Variants in ST3GAL1 observed in about 807,000 individuals in gnomAD.
ST3GAL1 encodes CMP-N-acetylneuraminate-beta-galactosamide-alpha-2,3-sialyltransferase 1.
Under a neutral mutation model 34.1 loss-of-function variants are expected in ST3GAL1, and 16 were observed. That is an observed-to-expected ratio of 0.47 (90% confidence interval 0.32 to 0.71). ST3GAL1 has a LOEUF of 0.71. Among genes scored for constraint, ST3GAL1 ranks in the 30% least tolerant of loss-of-function variants. The probability of loss-of-function intolerance (pLI) is 0.04; values close to 1 mark genes in which losing one functional copy is unlikely to be tolerated. For missense variants in ST3GAL1, 353 were observed against 447.4 expected, an observed-to-expected ratio of 0.79 and a Z score of 1.90; for synonymous variants, 191 against 184.7, an observed-to-expected ratio of 1.03 and a Z score of -0.28.
At chr8:133,497,425 C>G (rs542943483) in intron 3 of ST3GAL1, among the ~76,000 whole-genome samples, 1 of 148,198 alleles carries the variant, frequency 6.7e-6, no homozygotes, top group African/African-American at 2.5e-5. Context: ...TAGAGATACA[C>G]CTTTCTTCTC....
chr8:133,488,260 G>T (rs919665673), intron 3 of ST3GAL1: 2 of 152,198 alleles, frequency 1.3e-5, no homozygotes, highest in African/African-American at 4.8e-5. Flanking sequence ...AATGTAATGA[G>T]CCAGCTTGGC....
intron 1 of ST3GAL1, among the ~76,000 whole-genome samples, chr8:133,547,081 A>G (rs1385236959): frequency 6.6e-6 from 1 of 151,902 alleles, no homozygotes. Context: ...TGCTGTCGAA[A>G]TGGCCCCAAT....
intron 1 of ST3GAL1, among the ~76,000 whole-genome samples, chr8:133,549,126 C>T (rs376628680): frequency 7.9e-5 from 12 of 152,334 alleles, no homozygotes; most frequent in Admixed American, 3.9e-4. Context: ...AGTAGCGGGG[C>T]GTGGTGGCTC....
intron 8 of ST3GAL1, 73 bp downstream of exon 8, chr8:133,463,341 T>C: frequency 3.2e-6 from 5 of 1,568,258 alleles, no homozygotes; most frequent in Non-Finnish European, 4.4e-6. Flanking sequence ...TGCAACTCAA[T>C]GCCGTACCTT....
intron 1 of ST3GAL1, among the ~76,000 whole-genome samples, chr8:133,555,648 A>C (rs1818992081): frequency 6.6e-6 from 1 of 152,206 alleles, no homozygotes; most frequent in African/African-American, 2.4e-5. Flanking sequence ...GGATCAAGCC[A>C]TTTAGGACCC....
chr8:133,503,237 C>A (rs557265598), intron 2 of ST3GAL1, among the ~76,000 whole-genome samples: 3 of 139,610 alleles, frequency 2.1e-5, no homozygotes, highest in East Asian at 4.4e-4. Flanking sequence ...AGTATTCTAA[C>A]GCCCCCCAAC....
At position 133,467,784 on chromosome 8, in the gene ST3GAL1, C is replaced by A. The variant is rs2130927907; in HGVS notation, c.307-1694G>T. On this transcript the variant is annotated intron_variant, in intron 5 of 9. Coordinates refer to ENST00000522652, the MANE Select transcript of ST3GAL1 (RefSeq NM_173344.3). The surrounding 1 kb of genome is among the most constrained non-coding windows in gnomAD (Gnocchi z 4.2). ...TAGGGAGATCCCGGGGCACCCAGTC[C>A]CCACTGCAATGGAAGGAATCGGATG... Among the ~76,000 whole-genome samples the A allele has an allele frequency of 6.6e-6, 1 of 152,192 alleles. No homozygotes were observed. Among genetic ancestry groups the A allele is most frequent in the African/African-American group, 2.4e-5 (1 of 41,520 alleles).
intron 1 of ST3GAL1, among the ~76,000 whole-genome samples, chr8:133,565,642 T>C (rs949534290): frequency 6.6e-6 from 1 of 152,200 alleles, no homozygotes; most frequent in Non-Finnish European, 1.5e-5. Context: ...GGGTGTACAT[T>C]AAACTATAAA....
At chr8:133,533,259 C>T (rs941608153) in intron 2 of ST3GAL1, among the ~76,000 whole-genome samples, 3 of 152,160 alleles carry the variant, frequency 2.0e-5, no homozygotes, top group South Asian at 2.1e-4. Flanking sequence ...GAGAGAATGA[C>T]GTGCAGGTGT....
At chr8:133,465,159 T>A (rs933169629) in intron 6 of ST3GAL1, among the ~76,000 whole-genome samples, 1 of 152,158 alleles carries the variant, frequency 6.6e-6, no homozygotes, top group Non-Finnish European at 1.5e-5. Flanking sequence ...TTTCATGACC[T>A]CAAGGGAGTC....
chr8:133,496,859 C>T (rs1816963263), intron 3 of ST3GAL1, among the ~76,000 whole-genome samples: 1 of 152,230 alleles, frequency 6.6e-6, no homozygotes, highest in Non-Finnish European at 1.5e-5. Context: ...CACCCCTCTT[C>T]CGAGTTCTTG....
intron 3 of ST3GAL1, among the ~76,000 whole-genome samples, chr8:133,485,219 T>C (rs1290900797): frequency 6.6e-6 from 1 of 152,174 alleles, no homozygotes; most frequent in Non-Finnish European, 1.5e-5. Context: ...TCCCTGTCCA[T>C]AGCGCTTTGG....
At chr8:133,569,252 G>A (rs558966688) in intron 1 of ST3GAL1, among the ~76,000 whole-genome samples, 1 of 152,292 alleles carries the variant, frequency 6.6e-6, no homozygotes, top group African/African-American at 2.4e-5. Context: ...GCAAACTTCA[G>A]GGTTTGTGGG....
At chr8:133,488,393 G>T (rs972807309) in intron 3 of ST3GAL1, 1 of 152,204 alleles carries the variant, frequency 6.6e-6, no homozygotes, top group Non-Finnish European at 1.5e-5. Context: ...ATGCAGGTGG[G>T]CCTCATCCAA....
intron 5 of ST3GAL1, among the ~76,000 whole-genome samples, chr8:133,474,680 T>C (rs1398333192): frequency 2.6e-5 from 4 of 152,106 alleles, no homozygotes; most frequent in Non-Finnish European, 4.4e-5. Context: ...CCTCGGGCTC[T>C]TGCACCCGCT....
At position 133,556,156 on chromosome 8, in the gene ST3GAL1, A is replaced by G. The variant is rs1374400775; in HGVS notation, c.-581-10230T>C. ...GGCAATCCACCCATCTCGGCCTCCC[A>G]AAGTGCTAGGATTGCAGGCATGAGC... On this transcript the variant is annotated intron_variant, in intron 1 of 9. Coordinates refer to ENST00000522652, the MANE Select transcript of ST3GAL1 (RefSeq NM_173344.3). This position sits in a 1 kb window ranked among gnomAD's most constrained non-coding sequence, Gnocchi z 8.9. Among the ~76,000 whole-genome samples, 6 of 152,108 alleles carry G rather than the reference A, an allele frequency of 3.9e-5. No individual in the cohort carries two copies. The highest frequency in any genetic ancestry group is 8.8e-5 in the Non-Finnish European group (6 of 68,014).
chr8:133,497,298 A>G (rs1816980810), intron 3 of ST3GAL1, among the ~76,000 whole-genome samples: 1 of 152,204 alleles, frequency 6.6e-6, no homozygotes, highest in Non-Finnish European at 1.5e-5. Context: ...TCACAGCCTT[A>G]GTTAAAGAAG....
At chr8:133,502,308 T>C (rs1817179628) in intron 2 of ST3GAL1, among the ~76,000 whole-genome samples, 1 of 151,834 alleles carries the variant, frequency 6.6e-6, no homozygotes, top group Non-Finnish European at 1.5e-5. Context: ...ACCAAATTCA[T>C]ATGTTGATGC....
intron 2 of ST3GAL1, among the ~76,000 whole-genome samples, chr8:133,528,207 T>C (rs2945787): frequency 0.69 from 105,257 of 151,890 alleles, 36,862 homozygotes; most frequent in Middle Eastern, 0.82. Flanking sequence ...CCAGAAATGA[T>C]GCACTTGGAG....
Sources: gnomAD v4.1 joint callset for allele counts (sites outside exome capture counted in the v4.1 genomes callset) on GRCh38, gnomAD v4.1.1 for gene constraint, Gnocchi (gnomAD v3.1) non-coding constraint, MANE v1.5 for transcripts, NCBI Gene and HGNC (gene_info 2026-07-23, HGNC 2026-07-21) for gene names.